RUBCN: variants seen among roughly 807,000 people sequenced by gnomAD.
RUBCN encodes the protein rubicon autophagy regulator.
RUBCN carries 74 observed loss-of-function variants against 113.2 expected under a neutral mutation model. That is an observed-to-expected ratio of 0.65 (90% confidence interval 0.54 to 0.79). The LOEUF is 0.79. RUBCN is among the 30% of genes least tolerant of loss of function. The pLI is 0.00. For missense variants in RUBCN, 1,109 were observed against 1,251.7 expected (o/e 0.89, Z 1.72); for synonymous variants, 480 against 490.0 (o/e 0.98, Z 0.27).
Position 197,674,908 on chromosome 3 carries a change from T to C in RUBCN, c.*110A>G. ...AAAAAAAAAAAAAGATGATGATAAT[T>C]AAAAAAAAAAAAAAAAAAAGAAGCC... On this transcript the variant is annotated 3_prime_UTR_variant, in exon 20 of 20. Transcript: ENST00000296343. The C allele has an allele frequency of 1.6e-6, 1 of 625,652 alleles. No individual in the cohort carries two copies. The highest frequency in any genetic ancestry group is 2.5e-6 in the Non-Finnish European group (1 of 406,768). 38.8% of individuals were successfully genotyped at this position (625,652 alleles called of 1,614,324 possible). A position where few individuals can be genotyped will look rare whatever the true frequency, so the allele number is the denominator to read the frequency against.
rs753203049 is a variant in RUBCN, at chr3:197,700,957, G to A, written c.917C>T (p.Ser306Phe). ...GGAATCATTCTGGCTGCTGACCCAG[G>A]ATGCCTCTATGGGGCTGGTCAGAGT... ...SSTLTSPIEA[S>F]WVSSQNDSPG... Residue 306 changes from serine (S) to phenylalanine (F), a missense_variant, in exon 7 of 20, where the codon TCC (serine) becomes TTC (phenylalanine). Ser to Phe is a radical substitution (Grantham distance 155). This residue lies in a region of RUBCN where 736 missense variants were observed against 779.6 expected (regional missense o/e 0.94). Coordinates refer to ENST00000296343, the MANE Select transcript of RUBCN (RefSeq NM_014687.4). The A allele has an allele frequency of 1.9e-6, 3 of 1,614,096 alleles. No individual in the cohort carries two copies. The highest frequency in any genetic ancestry group is 2.7e-5 in the African/African-American group (2 of 74,924).
chr3:197,694,253 A>G (rs13315283), intron 10 of RUBCN, 122 bp downstream of exon 10: 15,352 of 887,890 alleles, frequency 0.017, 410 homozygotes, highest in African/African-American at 0.073. Context: ...TCCTAGCATG[A>G]TAGAAAAAAA....
At chr3:197,689,330 C>T (rs78959230) in intron 11 of RUBCN, among the ~76,000 whole-genome samples, 1,543 of 152,192 alleles carry the variant, frequency 0.01, 15 homozygotes, top group Non-Finnish European at 0.015. Flanking sequence ...GTATGCCCAG[C>T]CTAAAAAGCA....
intron 2 of RUBCN, among the ~76,000 whole-genome samples, chr3:197,714,991 T>C (rs1725354328): frequency 6.6e-6 from 1 of 152,038 alleles, no homozygotes; most frequent in Non-Finnish European, 1.5e-5. Flanking sequence ...TTTGAGGATA[T>C]AAAGAAAAAG....
At chr3:197,713,946 G>A (rs535175200) in intron 2 of RUBCN, among the ~76,000 whole-genome samples, 15 of 151,962 alleles carry the variant, frequency 9.9e-5, no homozygotes, top group East Asian at 5.8e-4. Context: ...GCGTGGTGGC[G>A]GGCGCTGTAG....
At chr3:197,712,322 T>C (rs1314789257) in intron 2 of RUBCN, among the ~76,000 whole-genome samples, 1 of 152,158 alleles carries the variant, frequency 6.6e-6, no homozygotes, top group Non-Finnish European at 1.5e-5. Flanking sequence ...TGTTACAGCT[T>C]TCCTAAGGCC....
intron 1 of RUBCN, among the ~76,000 whole-genome samples, chr3:197,744,187 A>C (rs1728645101): frequency 6.6e-6 from 1 of 152,078 alleles, no homozygotes; most frequent in South Asian, 2.1e-4. Context: ...ATGAATTACA[A>C]GAAAAGGAAA....
At chr3:197,737,047 C>T, upstream of RUBCN, 4 of 803,780 alleles carry the variant, frequency 5.0e-6, no homozygotes, top group African/African-American at 3.7e-5. Context: ...GCCGCGCCCT[C>T]CAATCCCAGG....
At chr3:197,721,203 G>C (rs1165481128) in intron 1 of RUBCN, among the ~76,000 whole-genome samples, 1 of 152,182 alleles carries the variant, frequency 6.6e-6, no homozygotes, top group Non-Finnish European at 1.5e-5. Context: ...GTTCTTCCTT[G>C]AAGTTGTGGT....
intron 1 of RUBCN, among the ~76,000 whole-genome samples, chr3:197,744,970 A>G (rs1017307562): frequency 7.9e-5 from 12 of 152,136 alleles, no homozygotes; most frequent in Non-Finnish European, 1.5e-4. Context: ...TTTTATTATC[A>G]AATATATCTC....
At chr3:197,738,863 G>C (rs1213319419), upstream of RUBCN, among the ~76,000 whole-genome samples, 1 of 151,974 alleles carries the variant, frequency 6.6e-6, no homozygotes, top group Non-Finnish European at 1.5e-5. Flanking sequence ...AAAAGTATTG[G>C]GATTACAGGC....
Position 197,683,215 on chromosome 3 carries a change from G to T in RUBCN, c.1980+92C>A. On this transcript the variant is annotated intron_variant, in intron 13 of 19. Transcript: ENST00000296343. The surrounding 1 kb of genome is among the most constrained non-coding windows in gnomAD (Gnocchi z 4.6). ...CCACGAGTAAGGGGGGAACACCCAG[G>T]CTCATTCCAGACTAGGGACATGTGA... The T allele has an allele frequency of 1.3e-6, 2 of 1,499,016 alleles. No homozygotes were observed. The highest frequency in any genetic ancestry group is 1.9e-6 in the Non-Finnish European group (2 of 1,075,408). The allele number at this position is 1,499,016 out of a possible 1,614,324, so 92.9% of individuals were successfully genotyped here. A position where few individuals can be genotyped will look rare whatever the true frequency, so the allele number is the denominator to read the frequency against.
intron 4 of RUBCN, 67 bp from the exon 5 acceptor site, chr3:197,703,721 G>A (rs1723966181): frequency 4.2e-6 from 4 of 959,626 alleles, no homozygotes; most frequent in African/African-American, 1.6e-5. Flanking sequence ...GCTTGAGGAA[G>A]CAGAAAGGGA....
At chr3:197,693,931 T>C in intron 10 of RUBCN, 115 bp from the exon 11 acceptor site, 1 of 753,110 alleles carries the variant, frequency 1.3e-6, no homozygotes, top group Non-Finnish European at 2.3e-6. Context: ...ATGGAAACTT[T>C]CCCTTTAGAA....
chr3:197,744,546 C>T (rs895909223), intron 1 of RUBCN, among the ~76,000 whole-genome samples: 4 of 152,174 alleles, frequency 2.6e-5, no homozygotes, highest in African/African-American at 9.7e-5. Context: ...TAGCATCATA[C>T]TTAATGTTGA....
Position 197,682,520 on chromosome 3 carries a change from C to T in RUBCN, c.2076G>A (p.Glu692=), listed in dbSNP as rs1045046306. The T allele has an allele frequency of 1.3e-5, 21 of 1,614,194 alleles. No homozygotes were observed. In the Middle Eastern group the frequency reaches 2.8e-3, roughly 216 times the overall value. The change falls in exon 14 of 20, where the codon GAG becomes GAA. Residue 692 remains glutamate, a synonymous_variant. Coordinates refer to ENST00000296343, the MANE Select transcript of RUBCN (RefSeq NM_014687.4). ...TTATCTGAGGCCGGGGCGGGGCCCA[C>T]TCCAAGTTGCCACGAACACGAATCC... ...KLRIRVRGNL[E]WAPPRPQIIF...
intron 1 of RUBCN, among the ~76,000 whole-genome samples, chr3:197,719,658 TG>T (rs548787483): frequency 9.3e-4 from 141 of 152,276 alleles, no homozygotes; most frequent in Middle Eastern, 6.8e-3. Flanking sequence ...TTCCTCACAA[TG>T]AAGTGTCCCT....
intron 2 of RUBCN, among the ~76,000 whole-genome samples, chr3:197,715,927 A>G (rs1725465958): frequency 6.6e-6 from 1 of 152,206 alleles, no homozygotes; most frequent in South Asian, 2.1e-4. Context: ...AAATTTAGGG[A>G]ACAAGATGAA....
At chr3:197,701,921 A>G (rs779245360) in intron 5 of RUBCN, 57 bp from the exon 6 acceptor site, 13 of 1,528,652 alleles carry the variant, frequency 8.5e-6, no homozygotes, top group Non-Finnish European at 9.9e-6. Context: ...AGGGCCTCAG[A>G]GTGGGGGCAA....
Sources: gnomAD v4.1 joint callset for allele counts (sites outside exome capture counted in the v4.1 genomes callset) on GRCh38, gnomAD v4.1.1 for gene constraint, gnomAD v4.1.1 regional missense constraint, Gnocchi (gnomAD v3.1) non-coding constraint, MANE v1.5 for transcripts, NCBI Gene and HGNC (gene_info 2026-07-23, HGNC 2026-07-21) for gene names.